The following SUMF2 variants were observed in gnomAD, a reference collection of about 807,000 sequenced individuals.
The protein encoded by SUMF2 is sulfatase modifying factor 2, also known as inactive C-alpha-formylglycine-generating enzyme 2.
SUMF2 carries 45 observed loss-of-function variants against 44.8 expected under a neutral mutation model. The observed-to-expected ratio is 1.00, with a 90% CI of 0.79 to 1.29. SUMF2 has a LOEUF of 1.29. SUMF2 is among the 50% of genes most tolerant of loss of function. The pLI, the probability that SUMF2 is intolerant of heterozygous loss-of-function variation, is 0.00. For synonymous variants in SUMF2, 148 were observed against 150.4 expected (o/e 0.98, Z 0.12); for missense variants, 418 against 389.9 (o/e 1.07, Z -0.61).
At position 56,073,008 on chromosome 7, in the gene SUMF2, G is replaced by C. The variant is rs1299748082; in HGVS notation, c.236G>C (p.Arg79Thr). The change falls in exon 3 of 9, where the codon AGG (arginine) becomes ACG (threonine). Residue 79 changes from arginine (R) to threonine (T), a missense_variant. Transcript: ENST00000434526. Reference protein sequence around the residue: ...VTNKDFRDFVREKKYRTEAEM... With the variant: ...VTNKDFRDFVTEKKYRTEAEM... ...CTATGTCTTTATAGGGATTTTGTCA[G>C]GGAGAAAAAGTATCGGACAGAAGCT... The C allele has an allele frequency of 1.2e-6, 2 of 1,613,838 alleles. No homozygotes were observed. The highest frequency in any genetic ancestry group is 2.2e-5 in the South Asian group (2 of 91,072).
the SUMF2 span, chr7:56,087,094 G>A: frequency 9.3e-6 from 11 of 1,182,358 alleles, no homozygotes; most frequent in African/African-American, 3.0e-5. Flanking sequence ...GGGCACGGGG[G>A]TCAGGGACCG....
the SUMF2 span, chr7:56,087,586 GC>G: frequency 6.2e-7 from 1 of 1,610,466 alleles, no homozygotes; most frequent in Non-Finnish European, 8.5e-7. Flanking sequence ...GTGGCTTGGG[GC>G]CATCACTCAC....
intron 3 of SUMF2, 75 bp from the exon 4 acceptor site, chr7:56,074,099 C>A: frequency 7.5e-7 from 1 of 1,342,158 alleles, no homozygotes; most frequent in Non-Finnish European, 1.1e-6. Context: ...CTCTGTTCTG[C>A]GTCCTGTGGC....
rs779822437 is a variant in SUMF2, at chr7:56,074,721, C to A, written c.520C>A (p.Arg174=). The A allele has an allele frequency of 1.2e-6, 2 of 1,613,958 alleles. No homozygotes were observed. Among genetic ancestry groups the A allele is most frequent in the African/African-American group, 2.7e-5 (2 of 74,904 alleles). ...GGAGGAAGAGTGGGAGTTTGCCGCC[C>A]GAGGGGGCTTGAAGGGTATCCAGAT... is the stretch of plus-strand genomic sequence containing the variant. ...PTEEEWEFAA[R]GGLKGQVYPW... Residue 174 remains arginine, a synonymous_variant, in exon 5 of 9, where the codon CGA becomes AGA. Transcript: ENST00000434526.
chr7:56,074,378 G>A (rs1795390736), intron 4 of SUMF2, 160 bp downstream of exon 4: 3 of 1,001,550 alleles, frequency 3.0e-6, no homozygotes, highest in Non-Finnish European at 4.4e-6. Context: ...TCACCTGCCC[G>A]AATCCTGTTT....
the SUMF2 span, chr7:56,087,698 G>T: frequency 1.9e-6 from 3 of 1,613,908 alleles, no homozygotes; most frequent in Non-Finnish European, 2.5e-6. Context: ...TGCCTCCACC[G>T]GTGACGTCGA....
chr7:56,079,745 C>G lies in SUMF2; in HGVS notation c.*133C>G. ...ACTTCCCCTTCCCTGTCTCCCATCC[C>G]TCTGTGGCAGGCGCCTCTCACCAGG... On this transcript the variant is annotated 3_prime_UTR_variant, in exon 9 of 9. Transcript: ENST00000434526. 6.3e-7 allele frequency: 1 copy of G among 1,576,406 alleles called. No individual in the cohort carries two copies. The highest frequency in any genetic ancestry group is 8.6e-7 in the Non-Finnish European group (1 of 1,160,472).
downstream of SUMF2, among the ~76,000 whole-genome samples, chr7:56,082,883 G>C (rs925246679): frequency 6.6e-6 from 1 of 151,996 alleles, no homozygotes; most frequent in African/African-American, 2.4e-5. Context: ...CGAGGCGGGC[G>C]GATCGTAAGG....
At chr7:56,069,700 C>G (rs1463645488) in intron 2 of SUMF2, among the ~76,000 whole-genome samples, 1 of 151,950 alleles carries the variant, frequency 6.6e-6, no homozygotes, top group Non-Finnish European at 1.5e-5. Flanking sequence ...GTCCCAGGCT[C>G]AAACCATCAC....
At chr7:56,079,072 C>T in intron 8 of SUMF2, 2 of 533,990 alleles carry the variant, frequency 3.7e-6, no homozygotes, top group Non-Finnish European at 6.8e-6. Context: ...TGAGTTTTTG[C>T]CATGCTGCCT....
chr7:56,072,575 T>G (rs1222739794), intron 2 of SUMF2, among the ~76,000 whole-genome samples: 1 of 151,824 alleles, frequency 6.6e-6, no homozygotes, highest in Admixed American at 6.6e-5. Context: ...ATACAAAAAT[T>G]ACCTGGGCGT....
rs1333982009 is a variant in SUMF2, at chr7:56,078,390, T to G, written c.703T>G (p.Trp235Gly). 1 of 1,610,696 alleles carries G rather than the reference T, an allele frequency of 6.2e-7. No homozygotes were observed. The highest frequency in any genetic ancestry group is 8.5e-7 in the Non-Finnish European group (1 of 1,178,096). The part of the protein sequence containing the change: ...YGLYDLLGNV[W>G]EWTASPYQAA... ...GCTCTATGACCTCCTGGGGAACGTG[T>G]GGGAGTGGACAGCATCACCGTACCA... The change falls in exon 8 of 9, where the codon TGG becomes GGG. Residue 235 changes from tryptophan (W) to glycine (G), a missense_variant. Transcript: ENST00000434526.
At chr7:56,068,821 G>A (rs938291770) in intron 2 of SUMF2, among the ~76,000 whole-genome samples, 183 bp downstream of exon 2, 4 of 150,612 alleles carry the variant, frequency 2.7e-5, no homozygotes, top group African/African-American at 9.8e-5. Flanking sequence ...TCCTGCCTTC[G>A]CCTGCCGAGC....
chr7:56,082,729 A>C (rs1027557726), downstream of SUMF2, among the ~76,000 whole-genome samples: 6 of 152,172 alleles, frequency 3.9e-5, no homozygotes, highest in African/African-American at 1.2e-4. Flanking sequence ...CCACCAGCTC[A>C]TGGCCCATTG....
downstream of SUMF2, chr7:56,083,431 G>A (rs373657174): frequency 1.9e-6 from 3 of 1,614,004 alleles, no homozygotes; most frequent in African/African-American, 2.7e-5. Flanking sequence ...AGCAGAGCTC[G>A]CATGATCTTT....
At chr7:56,079,134 A>G (rs1173159636) in intron 8 of SUMF2, 2 of 480,668 alleles carry the variant, frequency 4.2e-6, no homozygotes, top group East Asian at 6.3e-5. Context: ...TTGGCCTCCC[A>G]GAATGCTAGG....
the SUMF2 span, chr7:56,087,598 TG>T: frequency 6.2e-7 from 1 of 1,612,232 alleles, no homozygotes; most frequent in Non-Finnish European, 8.5e-7. Flanking sequence ...CATCACTCAC[TG>T]ATGTTGGGGT....
At chr7:56,084,721 C>G (rs928233645), downstream of SUMF2, among the ~76,000 whole-genome samples, 3 of 152,066 alleles carry the variant, frequency 2.0e-5, no homozygotes, top group African/African-American at 7.2e-5. Context: ...ATCGGCTGTG[C>G]AAGAGTTGCA....
the SUMF2 span, among the ~76,000 whole-genome samples, chr7:56,087,378 T>C: frequency 3.3e-5 from 5 of 152,116 alleles, no homozygotes; most frequent in Admixed American, 2.0e-4. Context: ...TGCACCAGCA[T>C]GCCTGGCTAA....
Sources: gnomAD v4.1 joint callset for allele counts (sites outside exome capture counted in the v4.1 genomes callset) on GRCh38, gnomAD v4.1.1 for gene constraint, MANE v1.5 for transcripts, NCBI Gene and HGNC (gene_info 2026-07-23, HGNC 2026-07-21) for gene names.